The following DPH6 variants were observed in gnomAD, a reference collection of about 807,000 sequenced individuals.
DPH6 encodes the protein diphthamine biosynthesis 6, also known as diphthine--ammonia ligase.
DPH6 carries 33 observed loss-of-function variants against 38.2 expected under a neutral mutation model. That is an observed-to-expected ratio of 0.86 (90% CI 0.65 to 1.15). DPH6 has a LOEUF of 1.15. Among genes scored for constraint, DPH6 ranks in the 50% most tolerant of loss-of-function variants. The probability of loss-of-function intolerance (pLI) is 0.00; values close to 1 mark genes in which losing one functional copy is unlikely to be tolerated. For synonymous variants in DPH6, 108 were observed against 103.0 expected (o/e 1.05, Z -0.30); for missense variants, 325 against 320.0 (o/e 1.02, Z -0.12).
At chr15:35,400,043 A>G (rs778079610) in intron 6 of DPH6, among the ~76,000 whole-genome samples, 1 of 152,236 alleles carries the variant, frequency 6.6e-6, no homozygotes, top group Non-Finnish European at 1.5e-5. Context: ...CCTGGTTCAG[A>G]TTAGATCAAG....
At chr15:35,319,316 G>GA (rs1424880069) in intron 3 of DPH6, among the ~76,000 whole-genome samples, 2 of 151,762 alleles carry the variant, frequency 1.3e-5, no homozygotes, top group South Asian at 2.1e-4. Flanking sequence ...TGTAGATGCT[G>GA]AAAAAAAAGC....
At chr15:35,529,218 A>T (rs1345363215) in intron 3 of DPH6, among the ~76,000 whole-genome samples, 2 of 152,200 alleles carry the variant, frequency 1.3e-5, no homozygotes, top group Non-Finnish European at 2.9e-5. Context: ...TCAGGTTTGC[A>T]GGCTGTACAG....
At chr15:35,145,334 A>G in the DPH6 span, among the ~76,000 whole-genome samples, 1 of 152,156 alleles carries the variant, frequency 6.6e-6, no homozygotes, top group African/African-American at 2.4e-5. Context: ...AGAGAGTTTC[A>G]TTTTTTACTT....
intron 3 of DPH6, among the ~76,000 whole-genome samples, chr15:35,257,694 A>G (rs886747677): frequency 6.6e-6 from 1 of 151,994 alleles, no homozygotes; most frequent in African/African-American, 2.4e-5. Context: ...ATTGAAGGCA[A>G]TTAAAAGAAA....
At position 35,373,540 on chromosome 15, in the gene DPH6, T is replaced by C; in HGVS notation, c.731A>G (p.Glu244Gly). The C allele has an allele frequency of 1.2e-6, 2 of 1,607,484 alleles. No homozygotes were observed. The highest frequency in any genetic ancestry group is 1.7e-6 in the Non-Finnish European group (2 of 1,177,012). Residue 244 changes from glutamate (E) to glycine (G), a missense_variant, in exon 8 of 9, where the codon GAA becomes GGA. Coordinates refer to ENST00000256538, the MANE Select transcript of DPH6 (RefSeq NM_080650.4). ...FAPVAYLRFLELHLEDKVSSV... is the reference protein window; with the variant it reads ...FAPVAYLRFLGLHLEDKVSSV... ...ACTTGCCTTGTCCTCCAAGTGCAATTCTAAAAAGCGTAGATAAGCCACAGG... is the reference window on the plus strand; with the variant it reads ...ACTTGCCTTGTCCTCCAAGTGCAATCCTAAAAAGCGTAGATAAGCCACAGG...
chr15:35,239,980 G>T (rs2051586252), intron 3 of DPH6, among the ~76,000 whole-genome samples: 1 of 141,288 alleles, frequency 7.1e-6, no homozygotes. Flanking sequence ...TGGAGGGCAA[G>T]AACCCCCCAC....
chr15:35,196,479 G>A, the DPH6 span, among the ~76,000 whole-genome samples: 8 of 152,024 alleles, frequency 5.3e-5, no homozygotes, highest in South Asian at 1.7e-3. Flanking sequence ...GGGAGGAGGC[G>A]GGCTGTGTGG....
the DPH6 span, among the ~76,000 whole-genome samples, chr15:35,209,060 C>T: frequency 6.6e-6 from 1 of 152,046 alleles, no homozygotes; most frequent in Non-Finnish European, 1.5e-5. Context: ...TGCTACTGTG[C>T]ACGTGGTCTT....
In DPH6 at chr15:35,249,810, A is replaced by G. The variant is rs551310573; in HGVS notation, n.201-29228T>C. Among the ~76,000 whole-genome samples the G allele has an allele frequency of 7.2e-5, 11 of 152,342 alleles. No individual in the cohort carries two copies. The South Asian group carries it at 2.3e-3, about 32-fold the overall frequency. On this transcript the variant is annotated intron_variant and non_coding_transcript_variant, in intron 3 of 3. Transcript: ENST00000560386. ...CTGGCAGAACATAAAGGTAAATTAA[A>G]ATACTTATAAGCACAGCATAAAGTA...
At chr15:35,172,206 G>A in the DPH6 span, among the ~76,000 whole-genome samples, 1,319 of 152,208 alleles carry the variant, frequency 8.7e-3, 25 homozygotes, top group Admixed American at 0.038. Context: ...TGCATGAAAC[G>A]GTTTGTGTAC....
the DPH6 span, among the ~76,000 whole-genome samples, chr15:35,150,814 T>G: frequency 6.6e-6 from 1 of 152,150 alleles, no homozygotes; most frequent in African/African-American, 2.4e-5. Flanking sequence ...GAAAGAATCA[T>G]AGAGATATTA....
chr15:35,317,346 AAAAG>A (rs1019757577), intron 3 of DPH6, among the ~76,000 whole-genome samples: 11 of 151,416 alleles, frequency 7.3e-5, no homozygotes, highest in South Asian at 2.1e-4. Flanking sequence ...GAAGGAAAGA[AAAAG>A]AAAGAGAGAA....
chr15:35,237,570 C>T (rs959185663), intron 3 of DPH6: 1 of 1,562,124 alleles, frequency 6.4e-7, no homozygotes, highest in Non-Finnish European at 8.8e-7. Context: ...GGCGTGGAAG[C>T]ATTGGCAGAA....
chr15:35,184,272 T>C, the DPH6 span, among the ~76,000 whole-genome samples: 176 of 152,292 alleles, frequency 1.2e-3, no homozygotes, highest in African/African-American at 3.9e-3. Flanking sequence ...TTTAGAAGAA[T>C]GACATTAACA....
intron 3 of DPH6, among the ~76,000 whole-genome samples, chr15:35,317,178 G>A (rs2052197453): frequency 6.6e-6 from 1 of 152,098 alleles, no homozygotes. Context: ...AGGATTGCTT[G>A]AGCCTGGAAG....
intron 3 of DPH6, among the ~76,000 whole-genome samples, chr15:35,338,375 A>G (rs1161084871): frequency 6.6e-6 from 1 of 152,252 alleles, no homozygotes. Flanking sequence ...GGCGAAGGAC[A>G]TGAACAGACA....
chr15:35,471,459 T>C (rs79391602), intron 3 of DPH6, among the ~76,000 whole-genome samples: 3,162 of 152,274 alleles, frequency 0.021, 118 homozygotes, highest in African/African-American at 0.073. Context: ...CTCCCTCCAA[T>C]TGATACAACT....
chr15:35,383,124 T>C (rs552794455), intron 6 of DPH6, among the ~76,000 whole-genome samples: 1 of 152,334 alleles, frequency 6.6e-6, no homozygotes, highest in African/African-American at 2.4e-5. Context: ...TTTATTAGCA[T>C]TCTTTTATTA....
At chr15:35,388,703 T>G (rs2053007887) in intron 6 of DPH6, among the ~76,000 whole-genome samples, 1 of 152,240 alleles carries the variant, frequency 6.6e-6, no homozygotes, top group Non-Finnish European at 1.5e-5. Flanking sequence ...TTTGTCATTT[T>G]TTATTGCATC....
Sources: gnomAD v4.1 joint callset for allele counts (sites outside exome capture counted in the v4.1 genomes callset) on GRCh38, gnomAD v4.1.1 for gene constraint, MANE v1.5 for transcripts, NCBI Gene and HGNC (gene_info 2026-07-23, HGNC 2026-07-21) for gene names.